Variants in NT5DC4 observed in about 807,000 individuals in gnomAD.
NT5DC4 encodes 5'-nucleotidase domain-containing protein 4.
Under a neutral mutation model 26.6 loss-of-function variants are expected in NT5DC4, and 44 were observed. That is an observed-to-expected ratio of 1.65 (90% CI 1.30 to 2.13). The LOEUF is 2.13. Ranked by LOEUF, NT5DC4 falls within the 30% of genes most tolerant of loss-of-function variation. The pLI, the probability that NT5DC4 is intolerant of heterozygous loss-of-function variation, is 0.00. For missense variants in NT5DC4, 399 were observed against 228.1 expected (o/e 1.75, Z -4.83); for synonymous variants, 157 against 86.7 (o/e 1.81, Z -4.51).
intron 16 of NT5DC4, 166 bp from the exon 17 acceptor site, chr2:112,738,747 C>T: frequency 1.0e-6 from 1 of 974,792 alleles, no homozygotes; most frequent in South Asian, 1.5e-5. Context: ...CTCTTTTTTT[C>T]CAGGTCACTT....
intron 6 of NT5DC4, 101 bp from the exon 7 acceptor site, chr2:112,722,980 C>A: frequency 4.4e-6 from 1 of 225,900 alleles, no homozygotes; most frequent in East Asian, 3.6e-4. Context: ...CCAGTGAAGG[C>A]CCCAGTGTGG....
intron 16 of NT5DC4, chr2:112,738,370 G>GT (rs1252851448): frequency 6.2e-6 from 1 of 161,676 alleles, no homozygotes; most frequent in African/African-American, 2.4e-5. Flanking sequence ...AAAATGAGGG[G>GT]TTTTGACTTG....
At chr2:112,730,407 G>A (rs1446905072) in intron 16 of NT5DC4, among the ~76,000 whole-genome samples, 1 of 151,196 alleles carries the variant, frequency 6.6e-6, no homozygotes, top group African/African-American at 2.4e-5. Context: ...GCACCCCTAC[G>A]GACTGCTGTT....
intron 8 of NT5DC4, 63 bp downstream of exon 8, chr2:112,723,531 A>T: frequency 1.4e-6 from 1 of 709,872 alleles, no homozygotes; most frequent in Middle Eastern, 2.5e-4. Flanking sequence ...TGCCCCCGCA[A>T]CCCTTCTCTG....
upstream of NT5DC4, among the ~76,000 whole-genome samples, chr2:112,719,948 T>TTC (rs1404457041): frequency 1.5e-4 from 18 of 116,186 alleles, no homozygotes; most frequent in African/African-American, 6.8e-4. Context: ...CTTTCTTTCT[T>TTC]TCTTTCTTTC....
In NT5DC4 at chr2:112,723,095, A is replaced by T; in HGVS notation, c.542A>T (p.Tyr181Phe). ...GCCTGCCCCAGTTGTGACACCGGCT[A>T]TCAGCATGGGAACCTCTTCATGTCC... The part of the protein sequence containing the change: ...CSRYTNCDTG[Y>F]QHGNLFMSFR... The change falls in exon 7 of 17, where the codon TAT (tyrosine) becomes TTT (phenylalanine). Residue 181 changes from tyrosine to phenylalanine, a missense_variant. Coordinates refer to ENST00000688554, the MANE Select transcript of NT5DC4 (RefSeq NM_001393655.1). 1.4e-6 allele frequency: 1 copy of T among 716,432 alleles called. No homozygotes were observed. Among genetic ancestry groups the T allele is most frequent in the Non-Finnish European group, 2.6e-6 (1 of 384,592 alleles). The allele number at this position is 716,432 out of a possible 1,614,324, so 44.4% of individuals were successfully genotyped here.
At chr2:112,733,612 T>C (rs2104796149) in intron 16 of NT5DC4, among the ~76,000 whole-genome samples, 1 of 152,358 alleles carries the variant, frequency 6.6e-6, no homozygotes, top group South Asian at 2.1e-4. Context: ...TGGACGAGGC[T>C]GCCTCCAAGG....
chr2:112,729,795 A>C, intron 16 of NT5DC4, 91 bp downstream of exon 16: 1 of 698,898 alleles, frequency 1.4e-6, no homozygotes, highest in Non-Finnish European at 2.7e-6. Context: ...CCCAGGACGC[A>C]TGAGGCAATT....
chr2:112,725,307 C>T (rs1369879143), intron 12 of NT5DC4, 67 bp downstream of exon 12: 8 of 692,186 alleles, frequency 1.2e-5, no homozygotes, highest in Non-Finnish European at 2.2e-5. Context: ...GAGCCCAGGC[C>T]CCTCACCTGC....
At chr2:112,738,242 C>G (rs1156581073) in intron 16 of NT5DC4, 4 of 152,522 alleles carry the variant, frequency 2.6e-5, no homozygotes, top group Admixed American at 6.5e-5. Flanking sequence ...CTGAGGAGAC[C>G]TGGCATAGAA....
chr2:112,726,690 G>C lies in NT5DC4; in HGVS notation c.1218G>C (p.Gly406=). 1 of 717,520 alleles carries C rather than the reference G, an allele frequency of 1.4e-6. No homozygotes were observed. Among genetic ancestry groups the C allele is most frequent in the African/African-American group, 1.7e-5 (1 of 57,394 alleles). The allele number at this position is 717,520 out of a possible 1,614,324, so 44.4% of individuals were successfully genotyped here. A position where few individuals can be genotyped will look rare whatever the true frequency, so the allele number is the denominator to read the frequency against. The part of the protein sequence containing the change: ...HLADIYQHMD[G]SSCELQVINF... Reference sequence around the variant, plus strand: ...ATTTTTGTACCAGGCACATGGATGGGAGCAGTTGTGAGCTGCAAGTCATCA... The same window carrying C: ...ATTTTTGTACCAGGCACATGGATGGCAGCAGTTGTGAGCTGCAAGTCATCA... Residue 406 remains glycine (G), a synonymous_variant, in exon 15 of 17, where the codon GGG becomes GGC. Coordinates refer to ENST00000688554, the MANE Select transcript of NT5DC4 (RefSeq NM_001393655.1).
chr2:112,724,357 A>T, intron 10 of NT5DC4: 1 of 599,048 alleles, frequency 1.7e-6, no homozygotes, highest in Non-Finnish European at 3.0e-6. Flanking sequence ...GCAGTCAGGT[A>T]TGTGGGGACG....
At chr2:112,720,884 A>T (rs1211181861), upstream of NT5DC4, among the ~76,000 whole-genome samples, 1 of 152,124 alleles carries the variant, frequency 6.6e-6, no homozygotes, top group African/African-American at 2.4e-5. Context: ...TGCTCTAGAG[A>T]AAAGGATGGG....
chr2:112,725,862 C>T (rs1677638596), intron 13 of NT5DC4, among the ~76,000 whole-genome samples: 1 of 148,858 alleles, frequency 6.7e-6, no homozygotes, highest in Non-Finnish European at 1.5e-5. Flanking sequence ...CCCACCCACC[C>T]CAAGGATGTT....
At chr2:112,726,837 G>A in intron 15 of NT5DC4, 99 bp downstream of exon 15, 1 of 708,842 alleles carries the variant, frequency 1.4e-6, no homozygotes, top group Non-Finnish European at 2.6e-6. Context: ...CGGTGCCAAA[G>A]GCCCAGTTAC....
rs1302217158 is a variant in NT5DC4 at position 112,724,101 on chromosome 2, T to C, written c.764T>C (p.Met255Thr). ...CTGCCTTGTCCTTGCCAGGCCATCA[T>C]GACCTACCTGTTCAGCATCAGTGAG... is the stretch of plus-strand genomic sequence containing the variant. ...NSSYNYTNAIMTYLFSISEAE... is the reference protein window; with the variant it reads ...NSSYNYTNAITTYLFSISEAE... Residue 255 changes from methionine to threonine, a missense_variant, in exon 10 of 17, where the codon ATG becomes ACG. Physicochemically the swap from Met to Thr is moderately conservative, Grantham distance 81. Transcript: ENST00000688554. The C allele has an allele frequency of 8.4e-6, 6 of 717,272 alleles. No individual in the cohort carries two copies. Among genetic ancestry groups the C allele is most frequent in the Non-Finnish European group, 1.6e-5 (6 of 385,038 alleles). The allele number at this position is 717,272 out of a possible 1,614,324, so 44.4% of individuals were successfully genotyped here. A position where few individuals can be genotyped will look rare whatever the true frequency, so the allele number is the denominator to read the frequency against.
intron 7 of NT5DC4, 81 bp downstream of exon 7, chr2:112,723,255 C>A (rs1677180425): frequency 2.8e-6 from 2 of 714,796 alleles, no homozygotes; most frequent in Admixed American, 4.0e-5. Flanking sequence ...CTCCAGTCCC[C>A]ATAGCGTTTC....
intron 16 of NT5DC4, among the ~76,000 whole-genome samples, chr2:112,734,022 T>A (rs889713040): frequency 6.6e-6 from 1 of 152,150 alleles, no homozygotes; most frequent in African/African-American, 2.4e-5. Context: ...CAGACAGCCC[T>A]GACTTTGAAA....
intron 15 of NT5DC4, among the ~76,000 whole-genome samples, chr2:112,727,516 G>A (rs1055259892): frequency 6.6e-6 from 1 of 152,152 alleles, no homozygotes; most frequent in Admixed American, 6.5e-5. Context: ...GGTAAATGAA[G>A]CTGTGGGTTT....
Sources: gnomAD v4.1 joint callset for allele counts (sites outside exome capture counted in the v4.1 genomes callset) on GRCh38, gnomAD v4.1.1 for gene constraint, MANE v1.5 for transcripts, NCBI Gene and HGNC (gene_info 2026-07-23, HGNC 2026-07-21) for gene names.